RBFOX1: variants seen among roughly 807,000 people sequenced by gnomAD.
The protein encoded by RBFOX1 is RNA binding fox-1 homolog 1.
RBFOX1 carries 8 observed loss-of-function variants against 57.7 expected under a neutral mutation model. The ratio of observed to expected loss-of-function variants is 0.14; its 90% CI spans 0.08 to 0.25. The LOEUF (loss-of-function observed/expected upper bound fraction) is 0.25, where lower values mean the gene tolerates loss of function less well. RBFOX1 is among the 10% of genes least tolerant of loss of function. The pLI, the probability that RBFOX1 is intolerant of heterozygous loss-of-function variation, is 1.00. For missense variants in RBFOX1, 611 were observed against 548.5 expected, an observed-to-expected ratio of 1.11 and a Z score of -1.14; for synonymous variants, 326 against 222.4, an observed-to-expected ratio of 1.47 and a Z score of -4.15.
chr16:5,763,705 A>C (rs2053669069), intron 3 of RBFOX1, among the ~76,000 whole-genome samples: 1 of 152,182 alleles, frequency 6.6e-6, no homozygotes, highest in African/African-American at 2.4e-5. Context: ...AGCCCCAACG[A>C]TCAGCAGGTC....
chr16:6,830,825 G>T (rs1341587488), intron 3 of RBFOX1, among the ~76,000 whole-genome samples: 1 of 152,146 alleles, frequency 6.6e-6, no homozygotes, highest in Non-Finnish European at 1.5e-5. Flanking sequence ...AATCGGTGTT[G>T]ACTTTACAAT....
intron 1 of RBFOX1, among the ~76,000 whole-genome samples, chr16:5,450,640 A>G (rs1003392663): frequency 6.6e-6 from 1 of 152,132 alleles, no homozygotes; most frequent in South Asian, 2.1e-4. Flanking sequence ...GTGCCAAGGA[A>G]AGGAGAAAGG....
chr16:5,618,589 G>T (rs940568250), intron 3 of RBFOX1, among the ~76,000 whole-genome samples: 1 of 152,064 alleles, frequency 6.6e-6, no homozygotes, highest in Non-Finnish European at 1.5e-5. Context: ...TGCCTGCCTC[G>T]GCCTCCCAAA....
intron 3 of RBFOX1, among the ~76,000 whole-genome samples, chr16:5,764,187 C>G (rs1251749839): frequency 1.3e-5 from 2 of 152,208 alleles, no homozygotes; most frequent in Non-Finnish European, 2.9e-5. Context: ...TACTACAACT[C>G]TCCAGCTCAC....
intron 4 of RBFOX1, among the ~76,000 whole-genome samples, chr16:7,078,776 G>A (rs544479637): frequency 1.6e-4 from 24 of 145,500 alleles, no homozygotes; most frequent in African/African-American, 5.7e-4. Context: ...TCCACTTCCC[G>A]AGTTCAAGCG....
chr16:5,471,129 C>T (rs1030489757), intron 2 of RBFOX1, among the ~76,000 whole-genome samples: 3 of 152,106 alleles, frequency 2.0e-5, no homozygotes, highest in Non-Finnish European at 2.9e-5. Context: ...CCACTGTGCC[C>T]GGTCTGATTG....
At chr16:7,481,771 T>G (rs1472320591) in intron 4 of RBFOX1, among the ~76,000 whole-genome samples, 1 of 152,140 alleles carries the variant, frequency 6.6e-6, no homozygotes, top group East Asian at 1.9e-4. Flanking sequence ...AAGTCAAAAA[T>G]GCACTTAACA....
intron 4 of RBFOX1, among the ~76,000 whole-genome samples, chr16:5,871,021 G>T (rs1337038728): frequency 6.6e-6 from 1 of 152,152 alleles, no homozygotes; most frequent in South Asian, 2.1e-4. Flanking sequence ...TCTCTCTGCA[G>T]ATTGACAGTG....
chr16:6,844,143 A>G (rs56033562), intron 3 of RBFOX1, among the ~76,000 whole-genome samples: 10,738 of 149,146 alleles, frequency 0.072, 1,292 homozygotes, highest in African/African-American at 0.25. Flanking sequence ...TCTCTCCATC[A>G]TTACCCCTAC....
intron 1 of RBFOX1, among the ~76,000 whole-genome samples, chr16:6,060,892 C>A (rs1412552754): frequency 6.6e-6 from 1 of 152,184 alleles, no homozygotes; most frequent in Admixed American, 6.5e-5. Flanking sequence ...CATTACCTTC[C>A]TTTTCTCTCT....
intron 4 of RBFOX1, among the ~76,000 whole-genome samples, chr16:5,983,798 C>CG (rs1252205196): frequency 4.0e-5 from 6 of 151,774 alleles, no homozygotes; most frequent in Non-Finnish European, 8.8e-5. Flanking sequence ...GCCAGGCTGT[C>CG]GGGGGGTGTC....
rs753652411 is a variant in RBFOX1 at position 7,676,140 on chromosome 16, G to A, written c.931-634G>A. On this transcript the variant is annotated intron_variant, in intron 13 of 15. Coordinates refer to ENST00000550418, the MANE Select transcript of RBFOX1 (RefSeq NM_018723.4). ...ATTTTCCACACCAAACAAATTCTCC[G>A]TCTGAAGCAGCATGATACATAACCA... Among the ~76,000 whole-genome samples the A allele has an allele frequency of 2.4e-4, 36 of 152,150 alleles. No individual in the cohort carries two copies. The South Asian group carries it at 2.7e-3, about 11-fold the overall frequency.
intron 1 of RBFOX1, among the ~76,000 whole-genome samples, chr16:6,109,821 C>T (rs1271578699): frequency 6.6e-6 from 1 of 152,158 alleles, no homozygotes; most frequent in Non-Finnish European, 1.5e-5. Context: ...GGATAAGTTA[C>T]ATTCTTTTCT....
intron 3 of RBFOX1, among the ~76,000 whole-genome samples, chr16:5,798,294 C>G (rs1380585168): frequency 6.6e-6 from 1 of 152,170 alleles, no homozygotes; most frequent in Non-Finnish European, 1.5e-5. Context: ...ATAATTCAAA[C>G]AACACATTAC....
intron 2 of RBFOX1, among the ~76,000 whole-genome samples, chr16:5,481,946 C>T (rs1001438360): frequency 1.1e-4 from 17 of 152,306 alleles, no homozygotes; most frequent in South Asian, 4.1e-4. Flanking sequence ...TCTTTAAAGA[C>T]TCCATCACCA....
At chr16:6,991,436 G>T (rs951858752) in intron 3 of RBFOX1, among the ~76,000 whole-genome samples, 2 of 152,154 alleles carry the variant, frequency 1.3e-5, no homozygotes, top group African/African-American at 4.8e-5. Flanking sequence ...TCCCATAGGG[G>T]AACTGACACA....
intron 4 of RBFOX1, among the ~76,000 whole-genome samples, chr16:7,257,918 G>A (rs151249642): frequency 6.6e-6 from 1 of 152,100 alleles, no homozygotes; most frequent in East Asian, 1.9e-4. Context: ...TTCCATCTTC[G>A]TATCTCCTGC....
intron 3 of RBFOX1, among the ~76,000 whole-genome samples, chr16:6,934,594 C>T (rs534273370): frequency 3.3e-5 from 5 of 152,248 alleles, no homozygotes; most frequent in East Asian, 1.9e-4. Flanking sequence ...TCATTTGCAG[C>T]AGCACAGATG....
Position 6,971,246 on chromosome 16 carries a change from G to A in RBFOX1, c.-15-80811G>A, listed in dbSNP as rs185271998. 1.8e-3 allele frequency among the ~76,000 whole-genome samples: 275 copies of A among 152,260 alleles called. 1 individual carries two copies. The Middle Eastern group carries it at 0.024, about 13-fold the overall frequency. On this transcript the variant is annotated intron_variant, in intron 3 of 15. Transcript: ENST00000550418. ...CTAAAAGGCAGCTGAATTGTTATGG[G>A]GATGGGATTCTTCTGGAACACCTTG...
Sources: allele counts gnomAD v4.1 joint callset (sites outside exome capture counted in the v4.1 genomes callset), GRCh38; gene constraint gnomAD v4.1.1; transcripts MANE v1.5; gene names NCBI Gene and HGNC (gene_info 2026-07-23, HGNC 2026-07-21).